Variants in MYO18B observed in about 807,000 individuals in gnomAD.
MYO18B encodes unconventional myosin-XVIIIb.
In MYO18B, 204 loss-of-function variants were observed where a neutral mutation model predicts 273.0. The ratio of observed to expected loss-of-function variants is 0.75; its 90% confidence interval spans 0.67 to 0.84. The LOEUF is 0.84. MYO18B is among the 40% of genes least tolerant of loss of function. MYO18B has a pLI of 0.00. For synonymous variants in MYO18B, 1,330 were observed against 1,305.7 expected (o/e 1.02, Z -0.40); for missense variants, 3,212 against 3,287.6 (o/e 0.98, Z 0.56).
chr22:25,770,292 G>A, intron 5 of MYO18B, 116 bp downstream of exon 5: 1 of 959,572 alleles, frequency 1.0e-6, no homozygotes, highest in Non-Finnish European at 1.6e-6. Flanking sequence ...GGGAAGAGGA[G>A]CAGTGGAGAC....
intron 42 of MYO18B, among the ~76,000 whole-genome samples, chr22:26,005,572 T>C (rs1934351609): frequency 1.3e-5 from 2 of 152,194 alleles, no homozygotes; most frequent in South Asian, 4.1e-4. Context: ...CTGAGCTCAC[T>C]TGGTTTCCCT....
intron 6 of MYO18B, among the ~76,000 whole-genome samples, chr22:25,771,328 C>T (rs1422850363): frequency 1.3e-5 from 2 of 152,196 alleles, no homozygotes; most frequent in Non-Finnish European, 2.9e-5. Context: ...AATCATACTA[C>T]ACAGCATGTT....
At chr22:25,976,439 T>C (rs1006892429) in intron 39 of MYO18B, among the ~76,000 whole-genome samples, 7 of 152,220 alleles carry the variant, frequency 4.6e-5, no homozygotes, top group African/African-American at 1.7e-4. Flanking sequence ...TAGGTGGAAC[T>C]TTCCACTACT....
intron 24 of MYO18B, 140 bp from the exon 25 acceptor site, chr22:25,877,819 T>G (rs550276384): frequency 1.6e-6 from 1 of 633,378 alleles, no homozygotes; most frequent in African/African-American, 1.9e-5. Context: ...CCATTATTTG[T>G]TATAGTCACC....
At chr22:25,853,265 C>T (rs1256636754) in intron 21 of MYO18B, among the ~76,000 whole-genome samples, 2 of 152,222 alleles carry the variant, frequency 1.3e-5, no homozygotes, top group East Asian at 3.8e-4. Flanking sequence ...ATCATCAGCA[C>T]TGCAGTCCTC....
At chr22:25,807,198 C>T (rs1444860741) in intron 12 of MYO18B, among the ~76,000 whole-genome samples, 1 of 152,198 alleles carries the variant, frequency 6.6e-6, no homozygotes, top group Admixed American at 6.5e-5. Context: ...ACAGCAAGTT[C>T]AGAACCAGAA....
intron 6 of MYO18B, 22 bp downstream of exon 6, chr22:25,771,006 C>A (rs2086699223): frequency 6.6e-7 from 1 of 1,505,584 alleles, no homozygotes; most frequent in Admixed American, 2.0e-5. Context: ...GTCCCGCCGT[C>A]CCCCAGCATG....
chr22:25,898,321 A>G lies in MYO18B; in HGVS notation c.4683A>G (p.Gln1561=). 6.2e-7 allele frequency: 1 copy of G among 1,613,616 alleles called. No homozygotes were observed. Among genetic ancestry groups the G allele is most frequent in the East Asian group, 2.2e-5 (1 of 44,874 alleles). The change falls in exon 29 of 44, where the codon CAA becomes CAG. Residue 1561 remains glutamine, a synonymous_variant. Coordinates refer to ENST00000335473, the MANE Select transcript of MYO18B (RefSeq NM_032608.7). ...TACTCTTACAGCTTGGGGAGTTGCA[A>G]AGTGCTTATGACGGGGCCAAGAAGA... is the stretch of plus-strand genomic sequence containing the variant. ...KELEQKLGEL[Q]SAYDGAKKMA...
chr22:26,061,006 TACACAC>T, the MYO18B span, among the ~76,000 whole-genome samples: 16 of 118,140 alleles, frequency 1.4e-4, no homozygotes, highest in East Asian at 2.6e-3. Context: ...TGCACACACA[TACACAC>T]ACACACACAC....
Position 25,792,497 on chromosome 22 carries a change from C to CTTTTTTTTT in MYO18B, c.2377-5448_2377-5440dup, listed in dbSNP as rs58679561. 7.7e-4 allele frequency among the ~76,000 whole-genome samples: 83 copies of CTTTTTTTTT among 107,936 alleles called. 6 individuals are homozygous for CTTTTTTTTT. The highest frequency in any genetic ancestry group is 1.0e-3 in the Admixed American group (8 of 8,036). 70.8% of individuals were successfully genotyped at this position (107,936 alleles called of 152,430 possible). A position where few individuals can be genotyped will look rare whatever the true frequency, so the allele number is the denominator to read the frequency against. ...GTGATGTTTCTTTTTTTTTTCTTTT[C>CTTTTTTTTT]TTTTTTTTTTTTTTTTGAGACAGAG... is the stretch of plus-strand genomic sequence containing the variant. On this transcript the variant is annotated intron_variant, in intron 11 of 43. Coordinates refer to ENST00000335473, the MANE Select transcript of MYO18B (RefSeq NM_032608.7).
chr22:25,789,166 A>G (rs1299187984), intron 11 of MYO18B, among the ~76,000 whole-genome samples: 3 of 145,904 alleles, frequency 2.1e-5, no homozygotes, highest in East Asian at 4.0e-4. Context: ...GGATGGCAGC[A>G]TTGGGCAAGT....
chr22:25,882,366 AAAAG>A (rs991394807), intron 25 of MYO18B, among the ~76,000 whole-genome samples: 2 of 152,042 alleles, frequency 1.3e-5, no homozygotes, highest in South Asian at 2.1e-4. Flanking sequence ...TGAAAAAAAA[AAAAG>A]AAACACCTGT....
chr22:25,942,841 TC>T (rs1337362335), intron 34 of MYO18B, among the ~76,000 whole-genome samples: 1 of 152,030 alleles, frequency 6.6e-6, no homozygotes, highest in Non-Finnish European at 1.5e-5. Flanking sequence ...AGCAGCTGTC[TC>T]CATTGACTGC....
intron 17 of MYO18B, among the ~76,000 whole-genome samples, chr22:25,838,281 C>T (rs2089967998): frequency 6.6e-6 from 1 of 152,100 alleles, no homozygotes; most frequent in Admixed American, 6.5e-5. Context: ...TCACTGCAAC[C>T]TCCGCCTCCC....
intron 21 of MYO18B, among the ~76,000 whole-genome samples, chr22:25,867,505 A>G (rs776477469): frequency 6.6e-6 from 1 of 152,256 alleles, no homozygotes; most frequent in African/African-American, 2.4e-5. Context: ...TGGATAGACC[A>G]CATAGTGTTT....
rs537460799 is a variant in MYO18B, at chr22:25,854,641, G to A, written c.3885+3062G>A. Among the ~76,000 whole-genome samples, 5 of 152,216 alleles carry A rather than the reference G, an allele frequency of 3.3e-5. No homozygotes were observed. In the South Asian group the frequency reaches 1.0e-3, roughly 32 times the overall value. On this transcript the variant is annotated intron_variant, in intron 21 of 43. Coordinates refer to ENST00000335473, the MANE Select transcript of MYO18B (RefSeq NM_032608.7). ...ACTTTTTCGTCTTGCAAAATTGAAA[G>A]TTGGTACCCATTAAACAATAATTCC...
intron 32 of MYO18B, among the ~76,000 whole-genome samples, chr22:25,910,271 G>A (rs2092129744): frequency 6.6e-6 from 1 of 152,174 alleles, no homozygotes; most frequent in African/African-American, 2.4e-5. Context: ...AGTGTCTGGC[G>A]AGGGCTGTCT....
intron 40 of MYO18B, among the ~76,000 whole-genome samples, chr22:25,994,439 C>T (rs952797124): frequency 3.9e-5 from 6 of 152,168 alleles, no homozygotes; most frequent in African/African-American, 1.2e-4. Flanking sequence ...TGCCACTGCA[C>T]TCCAGCCTGG....
intron 34 of MYO18B, among the ~76,000 whole-genome samples, chr22:25,926,175 A>C (rs1391715890): frequency 6.6e-6 from 1 of 152,070 alleles, no homozygotes; most frequent in East Asian, 1.9e-4. Flanking sequence ...ACTGCACTCC[A>C]GCCTGGACGA....
Sources: allele counts gnomAD v4.1 joint callset (sites outside exome capture counted in the v4.1 genomes callset), GRCh38; gene constraint gnomAD v4.1.1; transcripts MANE v1.5; gene names NCBI Gene and HGNC (gene_info 2026-07-23, HGNC 2026-07-21).